TTC6: variants seen among roughly 807,000 people sequenced by gnomAD.
TTC6 encodes the protein tetratricopeptide repeat protein 6.
In TTC6, 172 loss-of-function variants were observed where a neutral mutation model predicts 210.4. That is an observed-to-expected ratio of 0.82 (90% CI 0.72 to 0.93). TTC6 has a LOEUF of 0.93. TTC6 is among the 40% of genes least tolerant of loss of function. TTC6 has a pLI of 0.00. For synonymous variants in TTC6, 804 were observed against 819.6 expected (o/e 0.98, Z 0.32); for missense variants, 2,414 against 2,318.1 (o/e 1.04, Z -0.85).
chr14:37,799,795 A>C (rs2096101818), intron 20 of TTC6, among the ~76,000 whole-genome samples: 1 of 152,062 alleles, frequency 6.6e-6, no homozygotes, highest in Non-Finnish European at 1.5e-5. Flanking sequence ...AATCAGAATG[A>C]GCTTAAAAGA....
chr14:37,791,163 G>A (rs1487931470), intron 16 of TTC6, among the ~76,000 whole-genome samples: 2 of 152,064 alleles, frequency 1.3e-5, no homozygotes, highest in Non-Finnish European at 2.9e-5. Flanking sequence ...TAACTTCATG[G>A]AAAACTGTCA....
intron 14 of TTC6, among the ~76,000 whole-genome samples, chr14:37,757,069 T>G (rs145987878): frequency 2.8e-4 from 43 of 152,246 alleles, no homozygotes; most frequent in Non-Finnish European, 4.9e-4. Context: ...CTTCCTGGTT[T>G]AGTCTTGGGA....
rs184731573 is a variant in TTC6 at position 37,687,168 on chromosome 14, C to G, written c.1257+4204C>G. Among the ~76,000 whole-genome samples the G allele has an allele frequency of 7.9e-5, 12 of 152,182 alleles. No homozygotes were observed. In the East Asian group the frequency reaches 2.3e-3, roughly 30 times the overall value. On this transcript the variant is annotated intron_variant, in intron 3 of 30. Transcript: ENST00000553443. ...GTGGTGCAGAGAGTGTTTTTGTGCCCTGGGGAGAGGGAGAGCCAGCAAGTG... is the reference window on the plus strand; with the variant it reads ...GTGGTGCAGAGAGTGTTTTTGTGCCGTGGGGAGAGGGAGAGCCAGCAAGTG...
At chr14:37,732,475 G>T (rs1410141570) in intron 7 of TTC6, among the ~76,000 whole-genome samples, 3 of 151,252 alleles carry the variant, frequency 2.0e-5, no homozygotes, top group Non-Finnish European at 4.4e-5. Flanking sequence ...GAGCCACCAC[G>T]CCCGGCCTTA....
intron 7 of TTC6, among the ~76,000 whole-genome samples, chr14:37,727,639 CT>C (rs34924440): frequency 0.083 from 12,573 of 151,920 alleles, 585 homozygotes; most frequent in Non-Finnish European, 0.099. Context: ...CATGTTTCTT[CT>C]TTTTTTAAAA....
chr14:37,715,404 A>G (rs900504176), intron 6 of TTC6, among the ~76,000 whole-genome samples: 1 of 152,138 alleles, frequency 6.6e-6, no homozygotes, highest in Non-Finnish European at 1.5e-5. Context: ...CAAATCCCAA[A>G]CTGGAAAAAT....
chr14:37,775,203 G>T (rs2096033421), intron 14 of TTC6, among the ~76,000 whole-genome samples: 1 of 151,990 alleles, frequency 6.6e-6, no homozygotes, highest in Non-Finnish European at 1.5e-5. Context: ...TTTATCTTTT[G>T]TATGGCTTTT....
upstream of TTC6, among the ~76,000 whole-genome samples, chr14:37,620,193 G>T (rs76985155): frequency 0.013 from 2,014 of 152,128 alleles, 45 homozygotes; most frequent in African/African-American, 0.046. Context: ...TTGGTACAAA[G>T]AAATTATTGG....
At chr14:37,817,162 C>T (rs966422770) in intron 25 of TTC6, among the ~76,000 whole-genome samples, 2 of 152,268 alleles carry the variant, frequency 1.3e-5, no homozygotes, top group South Asian at 4.1e-4. Context: ...AGTCACATAA[C>T]ATCAAAGGTT....
intron 1 of TTC6, among the ~76,000 whole-genome samples, chr14:37,654,680 C>T (rs2095718779): frequency 6.6e-6 from 1 of 152,104 alleles, no homozygotes; most frequent in Non-Finnish European, 1.5e-5. Context: ...TAAACGTAGC[C>T]TTAAGAAAAT....
intron 1 of TTC6, among the ~76,000 whole-genome samples, chr14:37,649,029 T>C (rs895220794): frequency 6.6e-6 from 1 of 152,210 alleles, no homozygotes; most frequent in East Asian, 1.9e-4. Context: ...ATAGAGTTTC[T>C]TAAGATCACA....
At chr14:37,837,324 A>G (rs966129801) in intron 29 of TTC6, 3 of 430,652 alleles carry the variant, frequency 7.0e-6, no homozygotes, top group Non-Finnish European at 1.4e-5. Flanking sequence ...TACTTTAGGA[A>G]GAAAGTCTTG....
chr14:37,628,685 C>T (rs1467276356), intron 1 of TTC6, among the ~76,000 whole-genome samples: 2 of 152,140 alleles, frequency 1.3e-5, no homozygotes, highest in African/African-American at 2.4e-5. Flanking sequence ...TTTGCCCATG[C>T]GTATGTCCTG....
chr14:37,750,052 C>G (rs547155626), intron 12 of TTC6, among the ~76,000 whole-genome samples: 1 of 152,026 alleles, frequency 6.6e-6, no homozygotes, highest in African/African-American at 2.4e-5. Context: ...GGTTATTGTC[C>G]TTGATATATA....
At chr14:37,829,118 G>T (rs758640058) in intron 29 of TTC6, among the ~76,000 whole-genome samples, 1 of 151,766 alleles carries the variant, frequency 6.6e-6, no homozygotes, top group Non-Finnish European at 1.5e-5. Flanking sequence ...GCTTTGCCTG[G>T]TATTCCTTTG....
At chr14:37,765,174 T>G (rs1303987134) in intron 14 of TTC6, among the ~76,000 whole-genome samples, 2 of 151,974 alleles carry the variant, frequency 1.3e-5, no homozygotes, top group Non-Finnish European at 2.9e-5. Flanking sequence ...TAAAAAAATT[T>G]TTTTTAGAGA....
At chr14:37,689,084 C>G (rs113150332) in intron 3 of TTC6, among the ~76,000 whole-genome samples, 2,978 of 152,002 alleles carry the variant, frequency 0.02, 41 homozygotes, top group Non-Finnish European at 0.029. Flanking sequence ...AGAATCAATT[C>G]AGAATTCTAT....
chr14:37,728,937 T>C (rs2095879179), intron 7 of TTC6, among the ~76,000 whole-genome samples: 1 of 152,204 alleles, frequency 6.6e-6, no homozygotes, highest in Non-Finnish European at 1.5e-5. Context: ...AGTTGGCCAT[T>C]GTTAAATGCA....
chr14:37,674,712 G>A (rs927449972), intron 1 of TTC6, among the ~76,000 whole-genome samples: 4 of 151,998 alleles, frequency 2.6e-5, no homozygotes, highest in African/African-American at 7.2e-5. Context: ...TTTTACATTT[G>A]ACTTATAAAT....
Sources: allele counts gnomAD v4.1 joint callset (sites outside exome capture counted in the v4.1 genomes callset), GRCh38; gene constraint gnomAD v4.1.1; transcripts MANE v1.5; gene names NCBI Gene and HGNC (gene_info 2026-07-23, HGNC 2026-07-21).